The following NPAT variants were observed in gnomAD, a reference collection of about 807,000 sequenced individuals.
The protein encoded by NPAT is nuclear protein, coactivator of histone transcription.
In NPAT, 52 loss-of-function variants were observed where a neutral mutation model predicts 130.7. The observed-to-expected ratio is 0.40, with a 90% CI of 0.32 to 0.50. The LOEUF (loss-of-function observed/expected upper bound fraction) is 0.50, where lower values mean the gene tolerates loss of function less well. Ranked by LOEUF, NPAT falls within the 20% of genes least tolerant of loss-of-function variation. The pLI, the probability that NPAT is intolerant of heterozygous loss-of-function variation, is 0.68. For synonymous variants in NPAT, 580 were observed against 584.8 expected, an observed-to-expected ratio of 0.99 and a Z score of 0.12; for missense variants, 1,687 against 1,662.6, an observed-to-expected ratio of 1.01 and a Z score of -0.26.
chr11:108,199,710 A>G (rs2078256767), intron 1 of NPAT, among the ~76,000 whole-genome samples: 1 of 152,110 alleles, frequency 6.6e-6, no homozygotes, highest in Admixed American at 6.5e-5. Flanking sequence ...CTTTGTTTCA[A>G]TCCAGTCTCC....
At chr11:108,206,796 A>C (rs1387941488) in intron 1 of NPAT, among the ~76,000 whole-genome samples, 1 of 152,218 alleles carries the variant, frequency 6.6e-6, no homozygotes, top group African/African-American at 2.4e-5. Flanking sequence ...GGTCAACTGG[A>C]AGGTGCTCAA....
At position 108,188,124 on chromosome 11, in the gene NPAT, A is replaced by G; in HGVS notation, c.612T>C (p.Ser204=). The part of the protein sequence containing the change: ...PGAQEKKAHA[S]LMSPGRRKSE... Reference sequence around the variant, plus strand: ...TTTTGCGTCTACCGGGAGACATTAAACTGGCATGTGCTTTCTTTTCCTGAG... The same window carrying G: ...TTTTGCGTCTACCGGGAGACATTAAGCTGGCATGTGCTTTCTTTTCCTGAG... Residue 204 remains serine, a synonymous_variant, in exon 7 of 18, where the codon AGT becomes AGC. Transcript: ENST00000278612. 6.2e-7 allele frequency: 1 copy of G among 1,613,530 alleles called. No homozygotes were observed. The highest frequency in any genetic ancestry group is 1.7e-4 in the Middle Eastern group (1 of 6,058).
Position 108,211,170 on chromosome 11 carries a change from C to T in NPAT, c.37+11330G>A, listed in dbSNP as rs139462878. 9.1e-3 allele frequency among the ~76,000 whole-genome samples: 1,376 copies of T among 151,552 alleles called. 21 individuals carry two copies. The highest frequency in any genetic ancestry group is 0.031 in the African/African-American group (1,273 of 41,280). ...GTCAGAGGTTGCAGTGAGCCGAGAT[C>T]GCGCCACTGCATTCCAGCTTGGCAA... On this transcript the variant is annotated intron_variant, in intron 1 of 17. Transcript: ENST00000278612.
rs1383687798 is a variant in NPAT at position 108,157,364 on chromosome 11, G to A, written c.*1578C>T. On this transcript the variant is annotated 3_prime_UTR_variant, in exon 18 of 18. Coordinates refer to ENST00000278612, the MANE Select transcript of NPAT (RefSeq NM_002519.3). Reference sequence around the variant, plus strand: ...AGGAATTTAATCAGTTTCTAAACAAGACTGCCAATGTAAAGTAATTCAAAC... The same window carrying A: ...AGGAATTTAATCAGTTTCTAAACAAAACTGCCAATGTAAAGTAATTCAAAC... The A allele has an allele frequency of 1.3e-5, 2 of 152,102 alleles. No homozygotes were observed. The highest frequency in any genetic ancestry group is 1.3e-4 in the Admixed American group (2 of 15,272). The allele number at this position is 152,102 out of a possible 1,614,324, so 9.4% of individuals were successfully genotyped here.
chr11:108,222,423 G>T (rs1028476984), intron 1 of NPAT, 77 bp downstream of exon 1: 2 of 1,505,322 alleles, frequency 1.3e-6, no homozygotes, highest in Non-Finnish European at 1.8e-6. Context: ...CCTACCAAGG[G>T]AAAACCTTTG....
intron 1 of NPAT, among the ~76,000 whole-genome samples, chr11:108,217,180 C>T (rs533731283): frequency 3.3e-5 from 5 of 152,234 alleles, no homozygotes; most frequent in South Asian, 4.1e-4. Context: ...AGTGAGTGTA[C>T]GTGGGCGTGT....
Position 108,173,488 on chromosome 11 carries a change from T to C in NPAT, c.1496A>G (p.Gln499Arg). The C allele has an allele frequency of 1.9e-6, 3 of 1,614,156 alleles. No individual in the cohort carries two copies. Among genetic ancestry groups the C allele is most frequent in the African/African-American group, 2.7e-5 (2 of 75,064 alleles). The part of the protein sequence containing the change: ...SLSSNVPSES[Q>R]LQPDQPDIPI... ...TATATCAGGCTGATCAGGCTGTAAC[T>C]GAGATTCACTCGGTACATTTGAAGA... The change falls in exon 13 of 18, where the codon CAG becomes CGG. Residue 499 changes from glutamine (Q) to arginine (R), a missense_variant. By Grantham distance (43) the Gln-to-Arg change is conservative. This residue lies in a region of NPAT where 1,379 missense variants were observed against 1,346.6 expected (regional missense o/e 1.02). Transcript: ENST00000278612.
intron 15 of NPAT, among the ~76,000 whole-genome samples, chr11:108,164,868 G>T (rs892340048): frequency 6.6e-6 from 1 of 152,024 alleles, no homozygotes; most frequent in Non-Finnish European, 1.5e-5. Context: ...AAAAATAGCT[G>T]GGCATGGTGA....
chr11:108,210,199 C>T (rs1379144844), intron 1 of NPAT, among the ~76,000 whole-genome samples: 1 of 151,772 alleles, frequency 6.6e-6, no homozygotes, highest in Non-Finnish European at 1.5e-5. Flanking sequence ...GTTATCTCAA[C>T]AATTTAGAGA....
chr11:108,204,642 C>T (rs2134885179), intron 1 of NPAT, among the ~76,000 whole-genome samples: 1 of 152,382 alleles, frequency 6.6e-6, no homozygotes, highest in South Asian at 2.1e-4. Context: ...GACAGCCGCC[C>T]CACATGACAG....
At position 108,203,247 on chromosome 11, in the gene NPAT, T is replaced by G. The variant is rs1463222419; in HGVS notation, c.38-5827A>C. Among the ~76,000 whole-genome samples the G allele has an allele frequency of 2.0e-5, 3 of 152,192 alleles. No individual in the cohort carries two copies. The East Asian group carries it at 5.8e-4, about 29-fold the overall frequency. On this transcript the variant is annotated intron_variant, in intron 1 of 17. Transcript: ENST00000278612. Reference sequence around the variant, plus strand: ...CCAAGAAACCTCTGATTAGATTACATGTATAACATCTTTGGCCCATTTCCA... The same window carrying G: ...CCAAGAAACCTCTGATTAGATTACAGGTATAACATCTTTGGCCCATTTCCA...
At chr11:108,160,148 A>C (rs1267086815) in intron 17 of NPAT, among the ~76,000 whole-genome samples, 1 of 107,792 alleles carries the variant, frequency 9.3e-6, no homozygotes, top group Admixed American at 8.9e-5. Context: ...ACTCTGTCTC[A>C]AAAAAAAAAA....
Position 108,159,032 on chromosome 11 carries a change from A to G in NPAT, c.4207-13T>C. 6.3e-7 allele frequency: 1 copy of G among 1,579,372 alleles called. No homozygotes were observed. The highest frequency in any genetic ancestry group is 8.7e-7 in the Non-Finnish European group (1 of 1,155,552). On this transcript the variant is annotated splice_polypyrimidine_tract_variant and intron_variant, in intron 17 of 17. Coordinates refer to ENST00000278612, the MANE Select transcript of NPAT (RefSeq NM_002519.3). ...GAAGCTTCTTTTTCTGTTGAAAAAG[A>G]GAAAGAAAAAATAAACTCAAAACAA...
At chr11:108,214,896 G>A (rs1336468026) in intron 1 of NPAT, among the ~76,000 whole-genome samples, 1 of 152,176 alleles carries the variant, frequency 6.6e-6, no homozygotes, top group Non-Finnish European at 1.5e-5. Context: ...GCCTCCCAAA[G>A]TGCTGGGATT....
Position 108,173,799 on chromosome 11 carries a change from T to A in NPAT, c.1185A>T (p.Pro395=). The A allele has an allele frequency of 1.2e-6, 2 of 1,614,180 alleles. No homozygotes were observed. The highest frequency in any genetic ancestry group is 4.5e-5 in the East Asian group (2 of 44,876). Residue 395 remains proline (P), a synonymous_variant, in exon 13 of 18, where the codon CCA becomes CCT. Coordinates refer to ENST00000278612, the MANE Select transcript of NPAT (RefSeq NM_002519.3). The part of the protein sequence containing the change: ...AFCTSYQNDD[P]LNALKNSNNH... The stretch of plus-strand genomic sequence containing the variant: ...TGTTGCTATTCTTCAAAGCATTTAA[T>A]GGGTCATCATTCTGATAGGATGTAC...
At chr11:108,199,850 C>T (rs567967031) in intron 1 of NPAT, among the ~76,000 whole-genome samples, 10 of 152,124 alleles carry the variant, frequency 6.6e-5, no homozygotes, top group East Asian at 3.9e-4. Context: ...ACAGCCCGTT[C>T]GGGTGTCAGT....
At chr11:108,167,574 G>A (rs1417109056) in intron 15 of NPAT, among the ~76,000 whole-genome samples, 1 of 152,150 alleles carries the variant, frequency 6.6e-6, no homozygotes, top group African/African-American at 2.4e-5. Flanking sequence ...CTTGTTTATG[G>A]TGGAAGTATA....
At chr11:108,204,603 T>G (rs886810994) in intron 1 of NPAT, among the ~76,000 whole-genome samples, 2 of 152,162 alleles carry the variant, frequency 1.3e-5, no homozygotes, top group East Asian at 3.9e-4. Flanking sequence ...GCTATAACAT[T>G]GTAGCCCTCC....
Position 108,161,902 on chromosome 11 carries a change from G to C in NPAT, c.3184C>G (p.Arg1062Gly), listed in dbSNP as rs762699683. ...GTAGTGCTGTCGAAACAGAGTACAC[G>C]TCTGTGGCATGGTTTAGCAGCTGGA... ...IVPAAKPCHR[R>G]VLCFDSTTAP... Residue 1062 changes from arginine to glycine, a missense_variant, in exon 17 of 18, where the codon CGT (arginine) becomes GGT (glycine). Physicochemically the swap from Arg to Gly is moderately radical, Grantham distance 125 (BLOSUM62 -2). This residue lies in a region of NPAT where 1,379 missense variants were observed against 1,346.6 expected (regional missense o/e 1.02). Coordinates refer to ENST00000278612, the MANE Select transcript of NPAT (RefSeq NM_002519.3). 1 of 1,612,780 alleles carries C rather than the reference G, an allele frequency of 6.2e-7. No homozygotes were observed. The highest frequency in any genetic ancestry group is 1.3e-5 in the African/African-American group (1 of 74,864).
Sources: allele counts gnomAD v4.1 joint callset (sites outside exome capture counted in the v4.1 genomes callset), GRCh38; gene constraint gnomAD v4.1.1; regional missense constraint gnomAD v4.1.1; transcripts MANE v1.5; gene names NCBI Gene and HGNC (gene_info 2026-07-23, HGNC 2026-07-21).